Variants in SLC35F2 observed in about 807,000 individuals in gnomAD.
SLC35F2 encodes queuine/queuosine transporter SLC35F2.
A neutral mutation model predicts 38.1 loss-of-function variants in SLC35F2; 25 were observed. The ratio of observed to expected loss-of-function variants is 0.66; its 90% CI spans 0.48 to 0.92. SLC35F2 has a LOEUF of 0.92. Among genes scored for constraint, SLC35F2 ranks in the 40% least tolerant of loss-of-function variants. The probability of loss-of-function intolerance (pLI) is 0.00; values close to 1 mark genes in which losing one functional copy is unlikely to be tolerated. For missense variants in SLC35F2, 409 were observed against 452.9 expected (o/e 0.90, Z 0.88); for synonymous variants, 173 against 181.7 (o/e 0.95, Z 0.38).
chr11:107,854,105 T>C (rs542400316), intron 1 of SLC35F2, among the ~76,000 whole-genome samples: 22 of 152,198 alleles, frequency 1.4e-4, no homozygotes, highest in African/African-American at 5.1e-4. Context: ...TTAGGATCTA[T>C]GTGTCAGAAT....
intron 2 of SLC35F2, among the ~76,000 whole-genome samples, chr11:107,813,141 A>G (rs1397706746): frequency 1.3e-5 from 2 of 152,154 alleles, no homozygotes; most frequent in African/African-American, 4.8e-5. Context: ...GTTAGCAGGA[A>G]CATCTTGAAA....
At chr11:107,802,046 C>T (rs142653964) in intron 7 of SLC35F2, among the ~76,000 whole-genome samples, 1,763 of 152,108 alleles carry the variant, frequency 0.012, 32 homozygotes, top group African/African-American at 0.04. Context: ...CAAGACCAGC[C>T]TGGCCAACAT....
At chr11:107,854,258 C>G (rs1439954229) in intron 1 of SLC35F2, among the ~76,000 whole-genome samples, 1 of 137,304 alleles carries the variant, frequency 7.3e-6, no homozygotes, top group Non-Finnish European at 1.6e-5. Context: ...ATGGTGAAAC[C>G]CTGTCTCTAC....
intron 1 of SLC35F2, among the ~76,000 whole-genome samples, chr11:107,856,114 AAAAAAAAAAG>A (rs1232472654): frequency 2.0e-5 from 3 of 151,496 alleles, no homozygotes; most frequent in East Asian, 3.9e-4. Flanking sequence ...TCAAAAAAAA[AAAAAAAAAAG>A]AAGAAGAAGA....
intron 1 of SLC35F2, among the ~76,000 whole-genome samples, chr11:107,844,639 A>T (rs1860073808): frequency 7.1e-6 from 1 of 141,576 alleles, no homozygotes; most frequent in African/African-American, 2.8e-5. Flanking sequence ...TAAATAAATA[A>T]ATAAATAAAT....
Position 107,806,736 on chromosome 11 carries a change from T to C in SLC35F2, c.555A>G (p.Ala185=), listed in dbSNP as rs775869910. The change falls in exon 4 of 8, where the codon GCA becomes GCG. Residue 185 remains alanine, a synonymous_variant. Coordinates refer to ENST00000525815, the MANE Select transcript of SLC35F2 (RefSeq NM_017515.5). ...TCTCACCTGAATTGTCTTCCCTCCC[T>C]GCTAGTATGTCTGCACCAACCATGG... ...VGTMVGADIL[A]GREDNSGSDV... The C allele has an allele frequency of 2.9e-5, 47 of 1,613,962 alleles. No homozygotes were observed. The highest frequency in any genetic ancestry group is 3.4e-6 in the Non-Finnish European group (4 of 1,179,946).
intron 1 of SLC35F2, among the ~76,000 whole-genome samples, chr11:107,840,934 G>C (rs1359393899): frequency 6.6e-6 from 1 of 152,044 alleles, no homozygotes; most frequent in Non-Finnish European, 1.5e-5. Flanking sequence ...AAGCGGAGGC[G>C]GCGAGGAGAT....
At position 107,811,791 on chromosome 11, in the gene SLC35F2, C is replaced by G; in HGVS notation, c.290G>C (p.Ser97Thr). The G allele has an allele frequency of 6.2e-7, 1 of 1,613,590 alleles. No homozygotes were observed. The change falls in exon 3 of 8, where the codon AGT (serine) becomes ACT (threonine). Residue 97 changes from serine (S) to threonine (T), a missense_variant. By Grantham distance (58) the Ser-to-Thr change is moderately conservative (BLOSUM62 1). Coordinates refer to ENST00000525815, the MANE Select transcript of SLC35F2 (RefSeq NM_017515.5). ...TTTCAAGATTACTAAAAGGTTATCA[C>G]TGCCTGGTTGAAAGAAATATGGGTT... is the stretch of plus-strand genomic sequence containing the variant. ...YTVMLAFRSGSDNLLVILKRK... is the reference protein window; with the variant it reads ...YTVMLAFRSGTDNLLVILKRK...
intron 1 of SLC35F2, among the ~76,000 whole-genome samples, chr11:107,843,864 AAAAAATATAT>A (rs1237561552): frequency 0.013 from 440 of 34,400 alleles, no homozygotes; most frequent in Middle Eastern, 0.029. Context: ...AAAAAAAAAA[AAAAAATATAT>A]ATATATATAT....
At chr11:107,812,306 CTAGT>C (rs1487538927) in intron 2 of SLC35F2, among the ~76,000 whole-genome samples, 2 of 152,092 alleles carry the variant, frequency 1.3e-5, no homozygotes, top group African/African-American at 4.8e-5. Flanking sequence ...GCATGAAACC[CTAGT>C]TAAAGTATCA....
chr11:107,858,513 T>C, intron 1 of SLC35F2, 145 bp downstream of exon 1: 2 of 644,428 alleles, frequency 3.1e-6, no homozygotes, highest in Non-Finnish European at 4.6e-6. Context: ...GGTGTGCGTG[T>C]TGAGCCCCGA....
chr11:107,815,488 G>A (rs1338447163), intron 2 of SLC35F2, among the ~76,000 whole-genome samples: 2 of 151,580 alleles, frequency 1.3e-5, no homozygotes, highest in Non-Finnish European at 2.9e-5. Flanking sequence ...AGCCTGGGAG[G>A]TCAAGGCTGC....
intron 1 of SLC35F2, among the ~76,000 whole-genome samples, chr11:107,842,159 G>A (rs1860021651): frequency 6.7e-6 from 1 of 148,718 alleles, no homozygotes; most frequent in African/African-American, 2.5e-5. Flanking sequence ...CAGCTACTCA[G>A]GAGGCTGAGG....
chr11:107,793,898 G>C (rs571093448), intron 7 of SLC35F2, among the ~76,000 whole-genome samples: 1 of 151,870 alleles, frequency 6.6e-6, no homozygotes, highest in Non-Finnish European at 1.5e-5. Context: ...CCCTTCCTAA[G>C]ACTGAAAACC....
At chr11:107,801,303 A>G (rs1174124877) in intron 7 of SLC35F2, among the ~76,000 whole-genome samples, 1 of 152,214 alleles carries the variant, frequency 6.6e-6, no homozygotes, top group East Asian at 1.9e-4. Context: ...AAGCTACATG[A>G]TATGTGATAT....
At chr11:107,802,885 A>G in intron 7 of SLC35F2, 116 bp downstream of exon 7, 1 of 1,038,476 alleles carries the variant, frequency 9.6e-7, no homozygotes, top group African/African-American at 1.7e-5. Flanking sequence ...TGACCAATGA[A>G]ATTCTTGCCA....
At chr11:107,834,578 A>G (rs2134830384) in intron 1 of SLC35F2, among the ~76,000 whole-genome samples, 1 of 152,282 alleles carries the variant, frequency 6.6e-6, no homozygotes, top group South Asian at 2.1e-4. Flanking sequence ...TGAACCCAGG[A>G]GGCGGAGGTT....
At chr11:107,797,050 T>C (rs79382063) in intron 7 of SLC35F2, among the ~76,000 whole-genome samples, 3,003 of 152,252 alleles carry the variant, frequency 0.02, 77 homozygotes, top group African/African-American at 0.068. Flanking sequence ...GCAGAGTAGG[T>C]TGACTACAGT....
rs997864174 is a variant in SLC35F2, at chr11:107,820,573, T to C, written c.111-4608A>G. 1.3e-4 allele frequency among the ~76,000 whole-genome samples: 20 copies of C among 152,260 alleles called. No homozygotes were observed. The South Asian group carries it at 3.3e-3, about 25-fold the overall frequency. ...ACAGTTGGTATCTTCCTACGTTCTATATCTCTTTCTCCTTCCTGTCCTTCC... is the reference window on the plus strand; with the variant it reads ...ACAGTTGGTATCTTCCTACGTTCTACATCTCTTTCTCCTTCCTGTCCTTCC... On this transcript the variant is annotated intron_variant, in intron 1 of 7. Coordinates refer to ENST00000525815, the MANE Select transcript of SLC35F2 (RefSeq NM_017515.5).
Sources: gnomAD v4.1 joint callset for allele counts (sites outside exome capture counted in the v4.1 genomes callset) on GRCh38, gnomAD v4.1.1 for gene constraint, MANE v1.5 for transcripts, NCBI Gene and HGNC (gene_info 2026-07-23, HGNC 2026-07-21) for gene names.